The following CSMD1 variants were observed in gnomAD, a reference collection of about 807,000 sequenced individuals.
CSMD1 encodes the protein CUB and Sushi multiple domains 1.
CSMD1 carries 213 observed loss-of-function variants against 417.5 expected under a neutral mutation model. That is an observed-to-expected ratio of 0.51 (90% CI 0.46 to 0.57). The LOEUF (loss-of-function observed/expected upper bound fraction) is 0.57, where lower values mean the gene tolerates loss of function less well. Among genes scored for constraint, CSMD1 ranks in the 20% least tolerant of loss-of-function variants. The pLI is 0.00. For missense variants in CSMD1, 6,923 were observed against 4,529.7 expected, an observed-to-expected ratio of 1.53 and a Z score of -15.17; for synonymous variants, 2,862 against 1,736.8, an observed-to-expected ratio of 1.65 and a Z score of -16.11.
chr8:3,522,564 G>A (rs1797551922), intron 10 of CSMD1, among the ~76,000 whole-genome samples: 1 of 152,128 alleles, frequency 6.6e-6, no homozygotes, highest in African/African-American at 2.4e-5. Context: ...ACTGAGAATA[G>A]AGAAAGAAAT....
At chr8:4,460,792 G>A (rs1010713879) in intron 2 of CSMD1, among the ~76,000 whole-genome samples, 1 of 152,124 alleles carries the variant, frequency 6.6e-6, no homozygotes, top group African/African-American at 2.4e-5. Flanking sequence ...TTAAAATTAT[G>A]CTAAAGAAAA....
intron 1 of CSMD1, among the ~76,000 whole-genome samples, chr8:4,947,918 G>A (rs925208894): frequency 2.6e-5 from 4 of 151,948 alleles, no homozygotes; most frequent in African/African-American, 9.7e-5. Context: ...AGACATTCGG[G>A]TAATTCTTGG....
At chr8:3,124,364 A>T (rs778566990) in intron 41 of CSMD1, among the ~76,000 whole-genome samples, 2 of 152,252 alleles carry the variant, frequency 1.3e-5, no homozygotes, top group Non-Finnish European at 2.9e-5. Context: ...AAAAAATAAA[A>T]AGTGGATTGA....
At chr8:3,324,581 G>GA in intron 23 of CSMD1, among the ~76,000 whole-genome samples, 9 of 148,874 alleles carry the variant, frequency 6.0e-5, no homozygotes, top group African/African-American at 2.0e-4. Flanking sequence ...CTAACCCCCA[G>GA]GGACCCAGGA....
At chr8:4,047,957 G>A (rs973524793) in intron 3 of CSMD1, among the ~76,000 whole-genome samples, 7 of 152,108 alleles carry the variant, frequency 4.6e-5, no homozygotes, top group African/African-American at 1.7e-4. Context: ...ATGTCATGTT[G>A]AGTCCTTAGG....
chr8:3,768,643 G>A (rs1798411881), intron 5 of CSMD1, among the ~76,000 whole-genome samples: 1 of 152,110 alleles, frequency 6.6e-6, no homozygotes, highest in Admixed American at 6.5e-5. Context: ...ATTTTCACTT[G>A]CTCCAGAAGC....
At chr8:4,369,356 G>T (rs1411122564) in intron 3 of CSMD1, among the ~76,000 whole-genome samples, 2 of 152,004 alleles carry the variant, frequency 1.3e-5, no homozygotes, top group Non-Finnish European at 2.9e-5. Context: ...TTGCTTTAAG[G>T]CCAAGCATGT....
chr8:4,477,473 A>G lies in CSMD1; in HGVS notation c.303-57408T>C, dbSNP rs73180905. Among the ~76,000 whole-genome samples the G allele has an allele frequency of 3.8e-3, 579 of 152,340 alleles. 2 individuals are homozygous for G. The highest frequency in any genetic ancestry group is 6.4e-3 in the Non-Finnish European group (433 of 68,030). ...AAACACATGATTTTCAGATATTTAT[A>G]TTTAATCACTATAATTAAAATGCAG... On this transcript the variant is annotated intron_variant, in intron 2 of 69. Coordinates refer to ENST00000635120, the MANE Select transcript of CSMD1 (RefSeq NM_033225.6).
At chr8:4,296,684 A>T (rs1371486633) in intron 3 of CSMD1, among the ~76,000 whole-genome samples, 1 of 139,498 alleles carries the variant, frequency 7.2e-6, no homozygotes, top group Admixed American at 8.1e-5. Flanking sequence ...CCCTGAAAAC[A>T]CGAAAATAAG....
intron 52 of CSMD1, among the ~76,000 whole-genome samples, chr8:3,008,769 A>G (rs1808157075): frequency 6.6e-6 from 1 of 152,204 alleles, no homozygotes; most frequent in South Asian, 2.1e-4. Flanking sequence ...TACTGAAAGG[A>G]GTTATGCGGT....
intron 3 of CSMD1, among the ~76,000 whole-genome samples, chr8:4,344,969 C>T (rs779326404): frequency 3.1e-4 from 47 of 151,936 alleles, no homozygotes; most frequent in Non-Finnish European, 5.1e-4. Flanking sequence ...AAGGAATTTT[C>T]GGACTGAAGA....
At chr8:3,051,441 G>A (rs766805886) in intron 50 of CSMD1, among the ~76,000 whole-genome samples, 1 of 152,154 alleles carries the variant, frequency 6.6e-6, no homozygotes, top group Non-Finnish European at 1.5e-5. Context: ...TGGGGCCTAT[G>A]GGAGGGTGGA....
At chr8:3,889,365 G>C (rs186207774) in intron 5 of CSMD1, among the ~76,000 whole-genome samples, 8 of 147,350 alleles carry the variant, frequency 5.4e-5, no homozygotes, top group African/African-American at 2.0e-4. Flanking sequence ...AATTTTGCTT[G>C]TATTTTTTAA....
chr8:3,637,733 G>C (rs117711117), intron 7 of CSMD1, among the ~76,000 whole-genome samples: 2,537 of 152,274 alleles, frequency 0.017, 39 homozygotes, highest in South Asian at 0.048. Context: ...TGGTTTGGCT[G>C]TGTCCCCACC....
chr8:4,100,761 T>C (rs995584154), intron 3 of CSMD1, among the ~76,000 whole-genome samples: 6 of 152,154 alleles, frequency 3.9e-5, no homozygotes, highest in Admixed American at 6.5e-5. Flanking sequence ...ACTACATAAA[T>C]GAAGTCATCG....
At chr8:4,434,334 C>G (rs1228888990) in intron 2 of CSMD1, among the ~76,000 whole-genome samples, 1 of 152,142 alleles carries the variant, frequency 6.6e-6, no homozygotes, top group East Asian at 1.9e-4. Context: ...CCATTACACT[C>G]CAGCCTGGGC....
intron 12 of CSMD1, among the ~76,000 whole-genome samples, chr8:3,432,446 A>G (rs1014761661): frequency 6.7e-6 from 1 of 150,300 alleles, no homozygotes; most frequent in Non-Finnish European, 1.5e-5. Flanking sequence ...AGAAATGATA[A>G]TTTTTAGAAA....
chr8:3,677,900 T>A (rs1180190890), intron 7 of CSMD1, among the ~76,000 whole-genome samples: 1 of 152,110 alleles, frequency 6.6e-6, no homozygotes, highest in Non-Finnish European at 1.5e-5. Context: ...ATGAAACACC[T>A]CCCACTAATA....
intron 1 of CSMD1, among the ~76,000 whole-genome samples, chr8:4,940,670 A>C (rs1407540609): frequency 6.6e-6 from 1 of 152,236 alleles, no homozygotes; most frequent in African/African-American, 2.4e-5. Context: ...CACATAAAAC[A>C]AACCAATACC....
Sources: allele counts gnomAD v4.1 joint callset (sites outside exome capture counted in the v4.1 genomes callset), GRCh38; gene constraint gnomAD v4.1.1; transcripts MANE v1.5; gene names NCBI Gene and HGNC (gene_info 2026-07-23, HGNC 2026-07-21).